Variants in DDX10 observed in about 807,000 individuals in gnomAD.
DDX10 encodes probable ATP-dependent RNA helicase DDX10.
Under a neutral mutation model 104.3 loss-of-function variants are expected in DDX10, and 74 were observed. The observed-to-expected ratio is 0.71, with a 90% CI of 0.59 to 0.86. The LOEUF (loss-of-function observed/expected upper bound fraction) is 0.86, where lower values mean the gene tolerates loss of function less well. DDX10 is among the 40% of genes least tolerant of loss of function. The probability of loss-of-function intolerance (pLI) is 0.00; values close to 1 mark genes in which losing one functional copy is unlikely to be tolerated. For missense variants in DDX10, 952 were observed against 1,040.0 expected (o/e 0.92, Z 1.16); for synonymous variants, 351 against 353.4 (o/e 0.99, Z 0.08).
chr11:108,671,827 A>G (rs765115212), intron 1 of DDX10, among the ~76,000 whole-genome samples: 7 of 152,232 alleles, frequency 4.6e-5, no homozygotes, highest in Non-Finnish European at 1.0e-4. Flanking sequence ...TGGGAAGCCG[A>G]GGCGGGTGGA....
intron 13 of DDX10, among the ~76,000 whole-genome samples, chr11:108,817,652 T>C (rs149104545): frequency 7.1e-4 from 108 of 152,346 alleles, no homozygotes; most frequent in African/African-American, 2.5e-3. Flanking sequence ...AGCCAGTGTT[T>C]GTTGAATAAA....
At chr11:108,782,056 T>C (rs1184663975) in intron 13 of DDX10, among the ~76,000 whole-genome samples, 1 of 152,208 alleles carries the variant, frequency 6.6e-6, no homozygotes, top group African/African-American at 2.4e-5. Context: ...ATGGTGTTCA[T>C]TTGTTTAAAG....
At chr11:108,788,602 A>AT (rs1281291021) in intron 13 of DDX10, among the ~76,000 whole-genome samples, 1 of 152,176 alleles carries the variant, frequency 6.6e-6, no homozygotes, top group Non-Finnish European at 1.5e-5. Context: ...ACCTCAGGTG[A>AT]TCCCCCCACC....
At chr11:108,820,795 A>G (rs542078232) in intron 13 of DDX10, among the ~76,000 whole-genome samples, 28 of 152,332 alleles carry the variant, frequency 1.8e-4, no homozygotes, top group African/African-American at 6.0e-4. Flanking sequence ...GTTTTCAGAC[A>G]GGTCTGCTTC....
At chr11:108,864,320 GACTT>G (rs138549433) in intron 16 of DDX10, among the ~76,000 whole-genome samples, 2 of 152,072 alleles carry the variant, frequency 1.3e-5, no homozygotes, top group East Asian at 3.9e-4. Flanking sequence ...TGGGGTAGGG[GACTT>G]ACTTACATGT....
At chr11:108,739,260 GAA>G (rs1313972537) in intron 13 of DDX10, among the ~76,000 whole-genome samples, 2 of 152,184 alleles carry the variant, frequency 1.3e-5, no homozygotes, top group Non-Finnish European at 2.9e-5. Context: ...TCCCAAACGA[GAA>G]AAGTTACTTT....
At chr11:108,911,380 T>A (rs1451415311) in intron 16 of DDX10, among the ~76,000 whole-genome samples, 1 of 152,048 alleles carries the variant, frequency 6.6e-6, no homozygotes, top group Non-Finnish European at 1.5e-5. Flanking sequence ...TGCCAGCAGA[T>A]ACAGGGTCTG....
intron 16 of DDX10, among the ~76,000 whole-genome samples, chr11:108,888,248 GA>G (rs1014947583): frequency 6.6e-6 from 1 of 152,096 alleles, no homozygotes; most frequent in Non-Finnish European, 1.5e-5. Flanking sequence ...AATTAAATTT[GA>G]ATAAGGGGTG....
chr11:108,727,977 C>G (rs543559161), intron 13 of DDX10, among the ~76,000 whole-genome samples: 1 of 151,662 alleles, frequency 6.6e-6, no homozygotes, highest in South Asian at 2.1e-4. Flanking sequence ...AAAACATGAT[C>G]CTTATGGGTA....
At chr11:108,848,433 T>C (rs1156793025) in intron 15 of DDX10, among the ~76,000 whole-genome samples, 3 of 152,142 alleles carry the variant, frequency 2.0e-5, no homozygotes, top group Non-Finnish European at 2.9e-5. Flanking sequence ...TGAAGCTTAT[T>C]TATATGAGAG....
At chr11:108,933,246 T>C (rs1307541034) in intron 17 of DDX10, among the ~76,000 whole-genome samples, 3 of 151,950 alleles carry the variant, frequency 2.0e-5, no homozygotes, top group African/African-American at 4.9e-5. Flanking sequence ...GGATTATTAC[T>C]GAAGGCAAGC....
chr11:108,725,819 A>G (rs897053239), intron 13 of DDX10, among the ~76,000 whole-genome samples: 2 of 151,980 alleles, frequency 1.3e-5, no homozygotes, highest in Non-Finnish European at 2.9e-5. Context: ...ATTTTAGGTA[A>G]TTTATATATG....
At chr11:108,679,897 T>G (rs2094232314) in intron 6 of DDX10, among the ~76,000 whole-genome samples, 1 of 152,188 alleles carries the variant, frequency 6.6e-6, no homozygotes, top group South Asian at 2.1e-4. Context: ...TGAAACAGTT[T>G]TATTTCTATT....
At chr11:108,758,781 A>T (rs183296249) in intron 13 of DDX10, among the ~76,000 whole-genome samples, 2 of 152,022 alleles carry the variant, frequency 1.3e-5, no homozygotes, top group Non-Finnish European at 2.9e-5. Flanking sequence ...ACTCATCTGG[A>T]TGATCCAGGA....
chr11:108,809,597 A>G (rs1476469022), intron 13 of DDX10, among the ~76,000 whole-genome samples: 3 of 152,136 alleles, frequency 2.0e-5, no homozygotes, highest in Non-Finnish European at 4.4e-5. Context: ...CTATCTCTCA[A>G]TTTGCTTGAT....
intron 16 of DDX10, among the ~76,000 whole-genome samples, chr11:108,911,447 A>T (rs1863676156): frequency 6.7e-6 from 1 of 150,282 alleles, no homozygotes; most frequent in African/African-American, 2.4e-5. Flanking sequence ...TCTTCACGTG[A>T]TGGAGGGGCT....
chr11:108,706,697 G>A, intron 9 of DDX10, 42 bp from the exon 10 acceptor site: 7 of 1,431,536 alleles, frequency 4.9e-6, no homozygotes, highest in Non-Finnish European at 6.9e-6. Flanking sequence ...GTAAAATGCA[G>A]ATTGCATTGA....
chr11:108,913,860 G>A (rs994730064), intron 16 of DDX10, among the ~76,000 whole-genome samples: 2 of 152,128 alleles, frequency 1.3e-5, no homozygotes, highest in African/African-American at 4.8e-5. Context: ...GACTTGTGTT[G>A]TAAATGATAG....
At chr11:108,694,415 A>T (rs1248030254) in intron 9 of DDX10, among the ~76,000 whole-genome samples, 1 of 152,192 alleles carries the variant, frequency 6.6e-6, no homozygotes, top group Non-Finnish European at 1.5e-5. Flanking sequence ...AGTATAGGCT[A>T]ATAAGAGGCT....
Sources: gnomAD v4.1 joint callset for allele counts (sites outside exome capture counted in the v4.1 genomes callset) on GRCh38, gnomAD v4.1.1 for gene constraint, MANE v1.5 for transcripts, NCBI Gene and HGNC (gene_info 2026-07-23, HGNC 2026-07-21) for gene names.